Variants in BMP6 observed in about 807,000 individuals in gnomAD.
The protein encoded by BMP6 is VG-1-R.
Under a neutral mutation model 54.1 loss-of-function variants are expected in BMP6, and 17 were observed. The observed-to-expected ratio is 0.31, with a 90% CI of 0.22 to 0.47. The LOEUF is 0.47. BMP6 is among the 20% of genes least tolerant of loss of function. The pLI is 1.00. For missense variants in BMP6, 720 were observed against 690.4 expected, an observed-to-expected ratio of 1.04 and a Z score of -0.48; for synonymous variants, 328 against 291.2, an observed-to-expected ratio of 1.13 and a Z score of -1.28.
chr6:7,871,295 G>A (rs1410394091), intron 4 of BMP6, among the ~76,000 whole-genome samples: 9 of 152,168 alleles, frequency 5.9e-5, no homozygotes, highest in African/African-American at 9.7e-5. Context: ...GTTTCCCTGC[G>A]GAAGCAGTTT....
intron 1 of BMP6, among the ~76,000 whole-genome samples, chr6:7,754,548 C>A (rs2113132994): frequency 6.6e-6 from 1 of 152,312 alleles, no homozygotes; most frequent in Admixed American, 6.5e-5. Flanking sequence ...AAGCCCTGTT[C>A]CTGGGAAATC....
chr6:7,862,334 T>C lies in BMP6; in HGVS notation c.1040T>C (p.Val347Ala), dbSNP rs781047851. Residue 347 changes from valine (V) to alanine (A), a missense_variant, in exon 4 of 7, where the codon GTG (valine) becomes GCG (alanine). Coordinates refer to ENST00000283147, the MANE Select transcript of BMP6 (RefSeq NM_001718.6). ...VHVHPRAAGL[V>A]GRDGPYDKQP... is the part of the protein sequence containing the mutation. ...GTCCACCCCCGAGCCGCAGGCCTGGTGGGCAGAGACGGCCCTTACGACAAG... is the reference window on the plus strand; with the variant it reads ...GTCCACCCCCGAGCCGCAGGCCTGGCGGGCAGAGACGGCCCTTACGACAAG... The C allele has an allele frequency of 1.2e-6, 2 of 1,614,150 alleles. No homozygotes were observed. The highest frequency in any genetic ancestry group is 8.5e-7 in the Non-Finnish European group (1 of 1,180,018).
chr6:7,824,937 A>T (rs1279862204), intron 1 of BMP6, among the ~76,000 whole-genome samples: 4 of 152,246 alleles, frequency 2.6e-5, no homozygotes, highest in African/African-American at 7.2e-5. Flanking sequence ...CCACTGGCTT[A>T]TTGTCGATGA....
intron 1 of BMP6, among the ~76,000 whole-genome samples, chr6:7,830,960 C>G (rs1326173590): frequency 6.6e-6 from 1 of 152,126 alleles, no homozygotes; most frequent in Non-Finnish European, 1.5e-5. Context: ...GAGGTATATG[C>G]CCCAAAGAAC....
At chr6:7,827,109 C>G (rs935400970) in intron 1 of BMP6, among the ~76,000 whole-genome samples, 1 of 152,196 alleles carries the variant, frequency 6.6e-6, no homozygotes, top group Non-Finnish European at 1.5e-5. Flanking sequence ...TGCGGAAAGG[C>G]CTTTTTGTTG....
chr6:7,836,014 T>C (rs1293813998), intron 1 of BMP6, among the ~76,000 whole-genome samples: 1 of 152,082 alleles, frequency 6.6e-6, no homozygotes, highest in Non-Finnish European at 1.5e-5. Flanking sequence ...CTAACTTTTG[T>C]ATTTTTAATA....
chr6:7,756,985 G>C (rs928898392), intron 1 of BMP6, among the ~76,000 whole-genome samples: 1 of 152,126 alleles, frequency 6.6e-6, no homozygotes, highest in African/African-American at 2.4e-5. Flanking sequence ...GGTTAGAGAA[G>C]ACCCCTCTGT....
chr6:7,790,302 T>G (rs270400), intron 1 of BMP6, among the ~76,000 whole-genome samples: 1 of 151,774 alleles, frequency 6.6e-6, no homozygotes, highest in African/African-American at 2.4e-5. Context: ...ATCTCTTTAG[T>G]CCGGGAGTTT....
chr6:7,812,224 G>A (rs541798173), intron 1 of BMP6, among the ~76,000 whole-genome samples: 98 of 152,290 alleles, frequency 6.4e-4, no homozygotes, highest in African/African-American at 2.3e-3. Flanking sequence ...AGAACTCAGT[G>A]AATTAATTCC....
intron 1 of BMP6, among the ~76,000 whole-genome samples, chr6:7,825,669 G>T (rs914684879): frequency 6.6e-6 from 1 of 151,354 alleles, no homozygotes; most frequent in African/African-American, 2.4e-5. Context: ...GCAGTGAGTC[G>T]AGATTGTGTC....
rs560113114 is a variant in BMP6 at position 7,850,120 on chromosome 6, TG to T, written c.857+4790del. On this transcript the variant is annotated intron_variant, in intron 2 of 6. Coordinates refer to ENST00000283147, the MANE Select transcript of BMP6 (RefSeq NM_001718.6). ...AAGGAGGGAAATGCTGCTCTGTAGTTGGTTTCCATGTTTTTGTTTTTTGTTT... is the reference window on the plus strand; with the variant it reads ...AAGGAGGGAAATGCTGCTCTGTAGTTGTTTCCATGTTTTTGTTTTTTGTTT... Among the ~76,000 whole-genome samples, 22 of 152,206 alleles carry T rather than the reference TG, an allele frequency of 1.4e-4. No individual in the cohort carries two copies. The East Asian group carries it at 4.0e-3, about 28-fold the overall frequency.
intron 5 of BMP6, 107 bp from the exon 6 acceptor site, chr6:7,879,884 C>T: frequency 5.2e-6 from 6 of 1,146,636 alleles, no homozygotes; most frequent in South Asian, 1.4e-5. Context: ...CGTCTGTATC[C>T]TTGCCTGTGC....
chr6:7,790,448 G>A (rs889569871), intron 1 of BMP6, among the ~76,000 whole-genome samples: 5 of 147,756 alleles, frequency 3.4e-5, no homozygotes, highest in African/African-American at 1.3e-4. Flanking sequence ...GGCCCTGGAG[G>A]TGGAGGTTTC....
chr6:7,805,247 G>T (rs1758331255), intron 1 of BMP6, among the ~76,000 whole-genome samples: 1 of 152,118 alleles, frequency 6.6e-6, no homozygotes, highest in African/African-American at 2.4e-5. Context: ...TCTTTTCAGT[G>T]CAGCCAGAAT....
intron 4 of BMP6, among the ~76,000 whole-genome samples, chr6:7,869,284 C>G (rs941112244): frequency 6.6e-6 from 1 of 152,260 alleles, no homozygotes; most frequent in African/African-American, 2.4e-5. Flanking sequence ...CTGCCTGTCA[C>G]TGGCCCATCA....
At chr6:7,735,749 A>G (rs1047406996) in intron 1 of BMP6, among the ~76,000 whole-genome samples, 17 of 152,136 alleles carry the variant, frequency 1.1e-4, no homozygotes, top group Non-Finnish European at 1.5e-5. Flanking sequence ...TGGACACATC[A>G]TTGTCACCTA....
chr6:7,851,464 A>G (rs1759141160), intron 2 of BMP6, among the ~76,000 whole-genome samples: 1 of 152,216 alleles, frequency 6.6e-6, no homozygotes, highest in South Asian at 2.1e-4. Flanking sequence ...TTGCAAATTT[A>G]CATGTTAATT....
At chr6:7,805,235 C>A (rs576676290) in intron 1 of BMP6, among the ~76,000 whole-genome samples, 2 of 152,302 alleles carry the variant, frequency 1.3e-5, no homozygotes, top group Non-Finnish European at 2.9e-5. Context: ...GCTCATCTTT[C>A]ATCTTTTCAG....
intron 1 of BMP6, among the ~76,000 whole-genome samples, chr6:7,822,180 C>A (rs1355143694): frequency 6.6e-6 from 1 of 152,096 alleles, no homozygotes; most frequent in East Asian, 1.9e-4. Flanking sequence ...GCCAGCATGC[C>A]CAGCTAATTT....
Sources: allele counts gnomAD v4.1 joint callset (sites outside exome capture counted in the v4.1 genomes callset), GRCh38; gene constraint gnomAD v4.1.1; transcripts MANE v1.5; gene names NCBI Gene and HGNC (gene_info 2026-07-23, HGNC 2026-07-21).